TRPV1: variants seen among roughly 807,000 people sequenced by gnomAD.
TRPV1 encodes the protein transient receptor potential cation channel subfamily V member 1.
Under a neutral mutation model 82.3 loss-of-function variants are expected in TRPV1, and 82 were observed. The ratio of observed to expected loss-of-function variants is 1.00; its 90% CI spans 0.83 to 1.20. The LOEUF (loss-of-function observed/expected upper bound fraction) is 1.20, where lower values mean the gene tolerates loss of function less well. TRPV1 is among the 50% of genes most tolerant of loss of function. TRPV1 has a pLI of 0.00. For synonymous variants in TRPV1, 515 were observed against 467.7 expected, an observed-to-expected ratio of 1.10 and a Z score of -1.30; for missense variants, 1,067 against 1,096.8, an observed-to-expected ratio of 0.97 and a Z score of 0.38.
chr17:3,572,325 C>T (rs902395680), intron 14 of TRPV1, 76 bp from the exon 15 acceptor site: 3 of 1,514,886 alleles, frequency 2.0e-6, no homozygotes, highest in Non-Finnish European at 2.7e-6. Context: ...TGCCAGTATC[C>T]AGCTCCCCAG....
At chr17:3,580,127 C>T (rs57716901) in intron 11 of TRPV1, among the ~76,000 whole-genome samples, 45,501 of 151,388 alleles carry the variant, frequency 0.3, 7,733 homozygotes, top group East Asian at 0.54. Context: ...TAGGAAACTC[C>T]CCAAAGGCGG....
At chr17:3,598,143 C>T (rs1355649115) in intron 2 of TRPV1, among the ~76,000 whole-genome samples, 5 of 152,236 alleles carry the variant, frequency 3.3e-5, no homozygotes, top group African/African-American at 1.2e-4. Flanking sequence ...GGTATGCATC[C>T]AGGCTGCGGC....
intron 2 of TRPV1, among the ~76,000 whole-genome samples, chr17:3,598,635 G>A (rs555170941): frequency 6.2e-5 from 9 of 146,066 alleles, no homozygotes; most frequent in South Asian, 2.2e-4. Flanking sequence ...GCGCAATCTC[G>A]GCTCACTGCA....
chr17:3,606,485 G>A (rs562099236), intron 2 of TRPV1, among the ~76,000 whole-genome samples: 2 of 152,186 alleles, frequency 1.3e-5, no homozygotes, highest in Admixed American at 6.5e-5. Context: ...TGGCCGAAGC[G>A]GATCGGGGGG....
Position 3,565,588 on chromosome 17 carries a change from T to C in TRPV1, c.*1227A>G, listed in dbSNP as rs2150818172. 1 of 152,374 alleles carries C rather than the reference T, an allele frequency of 6.6e-6. No individual in the cohort carries two copies. Among genetic ancestry groups the C allele is most frequent in the South Asian group, 2.1e-4 (1 of 4,834 alleles). The allele number at this position is 152,374 out of a possible 1,614,324, so 9.4% of individuals were successfully genotyped here. The stretch of plus-strand genomic sequence containing the variant: ...ACCAGGTACCTTTGGGATGTGGTTC[T>C]GTAGTTTTAACCTGCACAGCAATTG... On this transcript the variant is annotated 3_prime_UTR_variant, in exon 17 of 17. Transcript: ENST00000572705.
rs149476111 is a variant in TRPV1 at position 3,602,885 on chromosome 17, G to T, written c.-34+5542C>A. Reference sequence around the variant, plus strand: ...GCCCGTAATCCCAGCACTTTGGGAGGCCGAGGCGGGTGGATCGCCTGAGGT... The same window carrying T: ...GCCCGTAATCCCAGCACTTTGGGAGTCCGAGGCGGGTGGATCGCCTGAGGT... On this transcript the variant is annotated intron_variant, in intron 2 of 16. Transcript: ENST00000572705. 9.5e-4 allele frequency among the ~76,000 whole-genome samples: 145 copies of T among 152,344 alleles called. 6 individuals are homozygous for T. In the East Asian group the frequency reaches 0.023, roughly 24 times the overall value.
chr17:3,573,532 G>GCCCACCCCCCC lies in TRPV1; in HGVS notation c.2103+100_2103+101insGGGGGGGTGGG. 7 of 257,076 alleles carry GCCCACCCCCCC rather than the reference G, an allele frequency of 2.7e-5. 3 individuals carry two copies. Among genetic ancestry groups the GCCCACCCCCCC allele is most frequent in the African/African-American group, 5.3e-5 (2 of 37,432 alleles). The allele number at this position is 257,076 out of a possible 1,614,324, so 15.9% of individuals were successfully genotyped here. A position where few individuals can be genotyped will look rare whatever the true frequency, so the allele number is the denominator to read the frequency against. Reference sequence around the variant, plus strand: ...GCCCATACCCTCCTGGCCACACACCGCCCCCACCACCCACCCACCTGCAGC... The same window carrying GCCCACCCCCCC: ...GCCCATACCCTCCTGGCCACACACCGCCCACCCCCCCCCCCCACCACCCACCCACCTGCAGC... On this transcript the variant is annotated intron_variant, in intron 14 of 16. Coordinates refer to ENST00000572705, the MANE Select transcript of TRPV1 (RefSeq NM_080704.4).
chr17:3,580,735 AGCCGGGCATGGTG>A (rs2074996834), intron 10 of TRPV1, among the ~76,000 whole-genome samples: 1 of 152,136 alleles, frequency 6.6e-6, no homozygotes. Flanking sequence ...ACACAGTGGA[AGCCGGGCATGGTG>A]GCTCACGCCT....
intron 2 of TRPV1, among the ~76,000 whole-genome samples, chr17:3,599,488 A>ATTTTTTTT (rs2075246111): frequency 2.6e-5 from 4 of 151,696 alleles, no homozygotes; most frequent in African/African-American, 9.7e-5. Context: ...GTCTTTATGA[A>ATTTTTTTT]TTTAACTATT....
At chr17:3,568,617 G>C (rs565564274) in intron 16 of TRPV1, among the ~76,000 whole-genome samples, 1 of 152,158 alleles carries the variant, frequency 6.6e-6, no homozygotes, top group Non-Finnish European at 1.5e-5. Context: ...GCTAGCCATC[G>C]TGCTGTCAAC....
rs761399971 is a variant in TRPV1 at position 3,583,357 on chromosome 17, ACTC to A, written c.1454_1456del (p.Gly485del). On this transcript the variant is annotated inframe_deletion, in exon 10 of 17. Coordinates refer to ENST00000572705, the MANE Select transcript of TRPV1 (RefSeq NM_080704.4). ...GCTTACCCCTCGGAAAAAGAAGTAG[ACTC>A]CTCCTAACACAGACAGGATCTCTCC... is the stretch of plus-strand genomic sequence containing the variant. 4 of 1,609,268 alleles carry A rather than the reference ACTC, an allele frequency of 2.5e-6. No homozygotes were observed. In the South Asian group the frequency reaches 3.3e-5, roughly 13 times the overall value.
chr17:3,598,037 A>C (rs1567675307), intron 2 of TRPV1, among the ~76,000 whole-genome samples: 1 of 152,192 alleles, frequency 6.6e-6, no homozygotes, highest in Non-Finnish European at 1.5e-5. Flanking sequence ...GACCCACAAG[A>C]GAGAAACGCA....
chr17:3,576,885 T>G (rs1043210994), intron 13 of TRPV1, among the ~76,000 whole-genome samples: 23 of 145,776 alleles, frequency 1.6e-4, no homozygotes, highest in African/African-American at 5.8e-4. Context: ...AAAAAACAAC[T>G]GAGCCAAAAT....
At chr17:3,605,097 AAG>A (rs1260916883) in intron 2 of TRPV1, among the ~76,000 whole-genome samples, 5 of 152,178 alleles carry the variant, frequency 3.3e-5, no homozygotes, top group Non-Finnish European at 5.9e-5. Flanking sequence ...CTAGTTGCTA[AAG>A]AGAGTGGGTT....
rs2074854345 is a variant in TRPV1, at chr17:3,571,569, C to G, written c.2302G>C (p.Glu768Gln). The G allele has an allele frequency of 6.2e-7, 1 of 1,612,316 alleles. No individual in the cohort carries two copies. The highest frequency in any genetic ancestry group is 1.3e-5 in the African/African-American group (1 of 74,924). ...AAGCTCAGGGTGCGCTTGACGCCCT[C>G]ACAGTTGCCCGGGTCTTCGTTGATG... Reference protein sequence around the residue: ...GIINEDPGNCEGVKRTLSFSL... With the variant: ...GIINEDPGNCQGVKRTLSFSL... Residue 768 changes from glutamate to glutamine, a missense_variant, in exon 16 of 17, where the codon GAG (glutamate) becomes CAG (glutamine). By Grantham distance (29) the Glu-to-Gln change is conservative. Coordinates refer to ENST00000572705, the MANE Select transcript of TRPV1 (RefSeq NM_080704.4).
At chr17:3,606,569 T>A (rs1224203510) in intron 2 of TRPV1, among the ~76,000 whole-genome samples, 1 of 152,120 alleles carries the variant, frequency 6.6e-6, no homozygotes, top group East Asian at 1.9e-4. Context: ...TCACCACTTC[T>A]TCAGAAGCAT....
At chr17:3,592,478 G>A in intron 2 of TRPV1, 95 bp from the exon 3 acceptor site, 1 of 1,300,914 alleles carries the variant, frequency 7.7e-7, no homozygotes, top group Non-Finnish European at 1.0e-6. Flanking sequence ...CTGTGAAGCA[G>A]GGTACCCCAA....
intron 7 of TRPV1, among the ~76,000 whole-genome samples, chr17:3,589,505 C>G (rs1043878440): frequency 6.6e-6 from 1 of 152,142 alleles, no homozygotes. Context: ...CCCAGCCCAA[C>G]AGCTATTCTT....
rs74607275 is a variant in TRPV1 at position 3,590,869 on chromosome 17, G to C, written c.604+95C>G. The C allele has an allele frequency of 5.5e-3, 7,969 of 1,447,530 alleles. 123 individuals carry two copies. In the African/African-American group the frequency reaches 0.057, roughly 10 times the overall value. The allele number at this position is 1,447,530 out of a possible 1,614,324, so 89.7% of individuals were successfully genotyped here. ...CGCAGTGGCTGGGACAGGGAGTAAG[G>C]ATCCCAGAGAAGCAAGGAGGCCCAG... On this transcript the variant is annotated intron_variant, in intron 5 of 16. Transcript: ENST00000572705.
Sources: gnomAD v4.1 joint callset for allele counts (sites outside exome capture counted in the v4.1 genomes callset) on GRCh38, gnomAD v4.1.1 for gene constraint, MANE v1.5 for transcripts, NCBI Gene and HGNC (gene_info 2026-07-23, HGNC 2026-07-21) for gene names.